NPHS2: variants seen among roughly 807,000 people sequenced by gnomAD.
NPHS2 encodes podocin.
In NPHS2, 36 loss-of-function variants were observed where a neutral mutation model predicts 37.1. The ratio of observed to expected loss-of-function variants is 0.97; its 90% CI spans 0.74 to 1.28. NPHS2 has a LOEUF of 1.28. Among genes scored for constraint, NPHS2 ranks in the 50% most tolerant of loss-of-function variants. The pLI is 0.00. For synonymous variants in NPHS2, 196 were observed against 189.3 expected (o/e 1.04, Z -0.29); for missense variants, 447 against 488.1 (o/e 0.92, Z 0.79).
rs1674278330 is a variant in NPHS2, at chr1:179,564,875, G to A, written c.275-82C>T. ...CTAGCATCTGTTGGTCCAATTCTTGGTATTGGAGTTGGCACAACTTGGAGA... is the reference window on the plus strand; with the variant it reads ...CTAGCATCTGTTGGTCCAATTCTTGATATTGGAGTTGGCACAACTTGGAGA... On this transcript the variant is annotated intron_variant, in intron 1 of 7. Transcript: ENST00000367615. 1.2e-5 allele frequency: 14 copies of A among 1,142,438 alleles called. No individual in the cohort carries two copies. The South Asian group carries it at 1.8e-4, about 15-fold the overall frequency. 70.8% of individuals were successfully genotyped at this position (1,142,438 alleles called of 1,614,324 possible).
intron 7 of NPHS2, 169 bp downstream of exon 7, chr1:179,552,430 TAGTC>T: frequency 1.5e-6 from 1 of 649,052 alleles, no homozygotes; most frequent in South Asian, 1.7e-5. Flanking sequence ...GGAGTTGCAT[TAGTC>T]AGGGGACTAT....
At chr1:179,575,447 T>A (rs1674720096) in intron 1 of NPHS2, 144 bp downstream of exon 1, 2 of 1,111,460 alleles carry the variant, frequency 1.8e-6, no homozygotes, top group Non-Finnish European at 2.6e-6. Context: ...GTTCCTAACT[T>A]ACGCCCTTCC....
chr1:179,556,476 G>A lies in NPHS2; in HGVS notation c.738+551C>T, dbSNP rs944244058. On this transcript the variant is annotated intron_variant, in intron 5 of 7. Coordinates refer to ENST00000367615, the MANE Select transcript of NPHS2 (RefSeq NM_014625.4). The surrounding 1 kb of genome is among the most constrained non-coding windows in gnomAD (Gnocchi z 4.1). ...GAGCTTGCTGTCTGTGGACTAGAGG[G>A]AGCTGCTTGTGAAGCAGTTCTTGCT... 1.3e-5 allele frequency among the ~76,000 whole-genome samples: 2 copies of A among 152,318 alleles called. No individual in the cohort carries two copies. The highest frequency in any genetic ancestry group is 6.5e-5 in the Admixed American group (1 of 15,308).
Position 179,551,454 on chromosome 1 carries a change from A to G in NPHS2, c.874-3T>C, listed in dbSNP as rs1433430292. ...TTTTCCGCTTCTGCAGCAATCATCT[A>G]GAAAACATGTGACGAAAGCAAAGTG... On this transcript the variant is annotated splice_polypyrimidine_tract_variant and splice_region_variant and intron_variant, in intron 7 of 7. Coordinates refer to ENST00000367615, the MANE Select transcript of NPHS2 (RefSeq NM_014625.4). 1 of 1,612,884 alleles carries G rather than the reference A, an allele frequency of 6.2e-7. No individual in the cohort carries two copies. The highest frequency in any genetic ancestry group is 8.5e-7 in the Non-Finnish European group (1 of 1,180,034).
At chr1:179,555,375 C>G (rs1673869877) in intron 5 of NPHS2, among the ~76,000 whole-genome samples, 3 of 152,212 alleles carry the variant, frequency 2.0e-5, no homozygotes, top group African/African-American at 7.2e-5. Flanking sequence ...TCCTGCTTCT[C>G]AGTCCCATCC....
chr1:179,556,967 T>A lies in NPHS2; in HGVS notation c.738+60A>T. 7.0e-7 allele frequency: 1 copy of A among 1,435,954 alleles called. No individual in the cohort carries two copies. Among genetic ancestry groups the A allele is most frequent in the Non-Finnish European group, 9.6e-7 (1 of 1,038,596 alleles). 89.0% of individuals were successfully genotyped at this position (1,435,954 alleles called of 1,614,324 possible). A position where few individuals can be genotyped will look rare whatever the true frequency, so the allele number is the denominator to read the frequency against. ...CATAGAAGATTTAATAAATGTCCAA[T>A]GAACAAATGAATAAAAGATAAATAT... On this transcript the variant is annotated intron_variant, in intron 5 of 7. Coordinates refer to ENST00000367615, the MANE Select transcript of NPHS2 (RefSeq NM_014625.4). The surrounding 1 kb of genome is among the most constrained non-coding windows in gnomAD (Gnocchi z 4.1).
intron 1 of NPHS2, among the ~76,000 whole-genome samples, chr1:179,566,396 C>A (rs1572288368): frequency 6.6e-6 from 1 of 152,108 alleles, no homozygotes; most frequent in African/African-American, 2.4e-5. Flanking sequence ...ATATCCTTCA[C>A]CCACTTTTTG....
At chr1:179,551,490 A>C in intron 7 of NPHS2, 39 bp from the exon 8 acceptor site, 1 of 1,611,398 alleles carries the variant, frequency 6.2e-7, no homozygotes. Context: ...ATTGTTCTTC[A>C]TTCCCTGAAG....
At position 179,575,717 on chromosome 1, in the gene NPHS2, G is replaced by C. The variant is rs886045596; in HGVS notation, c.148C>G (p.Arg50Gly). 1 of 1,553,350 alleles carries C rather than the reference G, an allele frequency of 6.4e-7. No homozygotes were observed. Among genetic ancestry groups the C allele is most frequent in the Non-Finnish European group, 8.7e-7 (1 of 1,154,748 alleles). Residue 50 changes from arginine to glycine, a missense_variant, in exon 1 of 8, where the codon CGG (arginine) becomes GGG (glycine). Physicochemically the swap from Arg to Gly is moderately radical, Grantham distance 125 (BLOSUM62 -2). Coordinates refer to ENST00000367615, the MANE Select transcript of NPHS2 (RefSeq NM_014625.4). ...EAGPEPSGSG[R>G]AGTPGEPRAP... ...CGGGGCTCCCCCGGGGTCCCCGCCC[G>C]TCCGGAGCCCGACGGCTCGGGCCCA... is the stretch of plus-strand genomic sequence containing the variant.
intron 1 of NPHS2, among the ~76,000 whole-genome samples, chr1:179,567,493 A>T (rs754124326): frequency 6.6e-6 from 1 of 152,176 alleles, no homozygotes; most frequent in Admixed American, 6.5e-5. Flanking sequence ...TTCTAAATAT[A>T]CAATCTTGTC....
chr1:179,552,813 A>G (rs1673512168), intron 6 of NPHS2, 132 bp from the exon 7 acceptor site: 1 of 728,404 alleles, frequency 1.4e-6, no homozygotes, highest in Non-Finnish European at 2.5e-6. Context: ...AGAGTGTGCC[A>G]TTCCTAGACT....
At chr1:179,571,322 C>G (rs1264889437) in intron 1 of NPHS2, among the ~76,000 whole-genome samples, 2 of 152,184 alleles carry the variant, frequency 1.3e-5, no homozygotes, top group East Asian at 3.9e-4. Context: ...CAGTCAGGTC[C>G]CTCAGCCGCA....
chr1:179,561,630 CT>C (rs1245412101), intron 2 of NPHS2, among the ~76,000 whole-genome samples: 1 of 152,162 alleles, frequency 6.6e-6, no homozygotes, highest in Non-Finnish European at 1.5e-5. Flanking sequence ...CCAACTTTCC[CT>C]AAATTAATCT....
At chr1:179,562,485 A>G (rs564435373) in intron 2 of NPHS2, among the ~76,000 whole-genome samples, 9 of 152,308 alleles carry the variant, frequency 5.9e-5, no homozygotes, top group Admixed American at 5.9e-4. Flanking sequence ...ATGATTTGTG[A>G]CTATAGACAA....
chr1:179,573,740 A>G (rs541186321), intron 1 of NPHS2, among the ~76,000 whole-genome samples: 1 of 152,224 alleles, frequency 6.6e-6, no homozygotes, highest in Non-Finnish European at 1.5e-5. Context: ...ACATTTTATA[A>G]ATGAAGAAAG....
At chr1:179,560,288 CAATAT>C (rs1219800825) in intron 3 of NPHS2, among the ~76,000 whole-genome samples, 1 of 152,090 alleles carries the variant, frequency 6.6e-6, no homozygotes, top group East Asian at 1.9e-4. Flanking sequence ...CTCACCCACC[CAATAT>C]AATATATAGG....
Position 179,561,380 on chromosome 1 carries a change from C to G in NPHS2, c.379-19G>C. The G allele has an allele frequency of 6.4e-7, 1 of 1,557,890 alleles. No homozygotes were observed. The highest frequency in any genetic ancestry group is 8.9e-7 in the Non-Finnish European group (1 of 1,128,908). On this transcript the variant is annotated intron_variant, in intron 2 of 7. Coordinates refer to ENST00000367615, the MANE Select transcript of NPHS2 (RefSeq NM_014625.4). ...GTACAACCTAAAGAGAAATTTAATC[C>G]TTTCAAATCACTCCCAGAAAGAAAA...
intron 3 of NPHS2, among the ~76,000 whole-genome samples, chr1:179,560,576 A>G (rs1015431897): frequency 3.3e-5 from 5 of 151,892 alleles, no homozygotes; most frequent in Non-Finnish European, 7.4e-5. Flanking sequence ...TCAAACTCTG[A>G]TATTTGTCCC....
At chr1:179,574,791 A>G (rs911906565) in intron 1 of NPHS2, among the ~76,000 whole-genome samples, 2 of 151,914 alleles carry the variant, frequency 1.3e-5, no homozygotes, top group African/African-American at 4.8e-5. Context: ...TTTTTCTTCC[A>G]CTCATTATAA....
Sources: allele counts gnomAD v4.1 joint callset (sites outside exome capture counted in the v4.1 genomes callset), GRCh38; gene constraint gnomAD v4.1.1; non-coding constraint Gnocchi (gnomAD v3.1); transcripts MANE v1.5; gene names NCBI Gene and HGNC (gene_info 2026-07-23, HGNC 2026-07-21).